Variants in MARF1 observed in about 807,000 individuals in gnomAD.
The protein encoded by MARF1 is meiosis regulator and mRNA stability factor 1, also known as limkain-b1.
Under a neutral mutation model 168.2 loss-of-function variants are expected in MARF1, and 24 were observed. That is an observed-to-expected ratio of 0.14 (90% confidence interval 0.10 to 0.20). MARF1 has a LOEUF of 0.20. Among genes scored for constraint, MARF1 ranks in the 10% least tolerant of loss-of-function variants. MARF1 has a pLI of 1.00. For missense variants in MARF1, 1,744 were observed against 2,143.6 expected (o/e 0.81, Z 3.68); for synonymous variants, 868 against 822.4 (o/e 1.06, Z -0.95).
At chr16:15,632,702 T>C (rs920426400) in intron 5 of MARF1, among the ~76,000 whole-genome samples, 7 of 152,218 alleles carry the variant, frequency 4.6e-5, no homozygotes, top group Admixed American at 1.3e-4. Context: ...TACACAATAA[T>C]AACTTGCTGG....
At chr16:15,625,350 A>G in intron 8 of MARF1, 22 bp downstream of exon 8, 1 of 1,583,232 alleles carries the variant, frequency 6.3e-7, no homozygotes, top group Non-Finnish European at 8.6e-7. Flanking sequence ...AAACTTCAGA[A>G]AGCAAGAGGT....
chr16:15,617,325 T>G lies in MARF1; in HGVS notation c.2931A>C (p.Arg977Ser), dbSNP rs373821774. 1 of 1,614,052 alleles carries G rather than the reference T, an allele frequency of 6.2e-7. No individual in the cohort carries two copies. The highest frequency in any genetic ancestry group is 2.2e-5 in the East Asian group (1 of 44,866). ...TGAAATCCTTATTGGAACAATGCTG[T>G]CTGCAGACAGGCTCGTGATATTCTA... ...EELEYHEPVC[R>S]QHCSNKDFSE... The change falls in exon 14 of 27, where the codon AGA (arginine) becomes AGC (serine). Residue 977 changes from arginine to serine, a missense_variant. Physicochemically the swap from Arg to Ser is moderately radical, Grantham distance 110. Transcript: ENST00000396368.
At chr16:15,616,143 TA>T in intron 15 of MARF1, 138 bp from the exon 16 acceptor site, 1 of 654,290 alleles carries the variant, frequency 1.5e-6, no homozygotes, top group Non-Finnish European at 2.3e-6. Flanking sequence ...GTTTGAAGGT[TA>T]AAATTAAGGA....
intron 13 of MARF1, among the ~76,000 whole-genome samples, chr16:15,618,345 C>T (rs1382711620): frequency 6.6e-6 from 1 of 152,160 alleles, no homozygotes; most frequent in African/African-American, 2.4e-5. Context: ...CCCGGAGAGA[C>T]ACACTCTCCC....
At chr16:15,614,481 C>CAA (rs59862823) in intron 16 of MARF1, among the ~76,000 whole-genome samples, 19 of 47,632 alleles carry the variant, frequency 4.0e-4, no homozygotes, top group African/African-American at 1.3e-3. Context: ...GACTCCGTCT[C>CAA]AAAAAAAAAA....
At position 15,625,581 on chromosome 16, in the gene MARF1, A is replaced by C. The variant is rs780062846; in HGVS notation, c.1744T>G (p.Phe582Val). ...DVFGNRIIVS[F>V]TPKNRELCET... is the part of the protein sequence containing the mutation. ...CAGAGTTCTCTATTTTTTGGAGTAA[A>C]TGACACAATGATCCTATTACCAAAG... Residue 582 changes from phenylalanine (F) to valine (V), a missense_variant, in exon 8 of 27, where the codon TTT (phenylalanine) becomes GTT (valine). This residue lies in a region of MARF1 where 270 missense variants were observed against 260.6 expected (regional missense o/e 1.04). Transcript: ENST00000396368. 1 of 1,614,136 alleles carries C rather than the reference A, an allele frequency of 6.2e-7. No homozygotes were observed.
chr16:15,627,739 G>A (rs1440264911), intron 7 of MARF1, among the ~76,000 whole-genome samples: 1 of 152,138 alleles, frequency 6.6e-6, no homozygotes, highest in African/African-American at 2.4e-5. Flanking sequence ...AACAGGCAAA[G>A]GATGTGAACA....
At chr16:15,641,076 C>A (rs903298435) in intron 1 of MARF1, among the ~76,000 whole-genome samples, 3 of 152,052 alleles carry the variant, frequency 2.0e-5, no homozygotes, top group African/African-American at 7.2e-5. Context: ...GCGTGGGCAA[C>A]AGAGTGAGAT....
In MARF1 at chr16:15,612,584, T is replaced by G. The variant is rs1276163225; in HGVS notation, c.3447A>C (p.Leu1149Phe). ...GCAATACATGAGGCACTGCTTCTAATAACTCAATCAGCTTGGAGTATCCGT... is the reference window on the plus strand; with the variant it reads ...GCAATACATGAGGCACTGCTTCTAAGAACTCAATCAGCTTGGAGTATCCGT... ...SDYGYSKLIE[L>F]LEAVPHVLQI... is the part of the protein sequence containing the mutation. The change falls in exon 17 of 27, where the codon TTA becomes TTC. Residue 1149 changes from leucine (L) to phenylalanine (F), a missense_variant. Around this residue, in one of 7 missense-constraint regions of MARF1, gnomAD observed 543 missense variants for 742.1 expected, o/e 0.73. Coordinates refer to ENST00000396368, the MANE Select transcript of MARF1 (RefSeq NM_014647.4). 6.2e-7 allele frequency: 1 copy of G among 1,614,078 alleles called. No homozygotes were observed. Among genetic ancestry groups the G allele is most frequent in the Non-Finnish European group, 8.5e-7 (1 of 1,180,018 alleles).
chr16:15,597,010 A>C (rs1016142566), intron 26 of MARF1, 73 bp from the exon 27 acceptor site: 5 of 1,467,112 alleles, frequency 3.4e-6, no homozygotes, highest in Non-Finnish European at 4.5e-6. Context: ...TTCCTTGCTC[A>C]TATTTTCTCA....
intron 13 of MARF1, among the ~76,000 whole-genome samples, chr16:15,619,308 T>A (rs1396701565): frequency 6.6e-6 from 1 of 152,220 alleles, no homozygotes; most frequent in East Asian, 1.9e-4. Flanking sequence ...AAAAAATTAG[T>A]TACCCACTCT....
In MARF1 at chr16:15,600,477, C is replaced by A. The variant is rs758548457; in HGVS notation, c.4764G>T (p.Val1588=). 6.2e-7 allele frequency: 1 copy of A among 1,614,040 alleles called. No individual in the cohort carries two copies. The highest frequency in any genetic ancestry group is 8.5e-7 in the Non-Finnish European group (1 of 1,180,040). ...GTTCCGAGGCTGTGTGCGATTCGGG[C>A]ACCTCCAGGATGCGCTCGCCCTCCG... ...QPSEGERILE[V]PESHTASELK... The change falls in exon 25 of 27, where the codon GTG becomes GTT. Residue 1588 remains valine (V), a synonymous_variant. Transcript: ENST00000396368.
chr16:15,600,890 C>G, intron 23 of MARF1, 189 bp from the exon 24 acceptor site: 3 of 713,760 alleles, frequency 4.2e-6, no homozygotes, highest in Non-Finnish European at 7.6e-6. Context: ...AAACATACCC[C>G]TATAAAAAGC....
rs1219407964 is a variant in MARF1 at position 15,604,371 on chromosome 16, T to G, written c.4210A>C (p.Ile1404Leu). 6.2e-7 allele frequency: 1 copy of G among 1,613,994 alleles called. No homozygotes were observed. The highest frequency in any genetic ancestry group is 1.7e-5 in the Admixed American group (1 of 59,996). Residue 1404 changes from isoleucine (I) to leucine (L), a missense_variant, in exon 22 of 27, where the codon ATT becomes CTT. This residue lies in a region of MARF1 where 74 missense variants were observed against 66.7 expected (regional missense o/e 1.11). Coordinates refer to ENST00000396368, the MANE Select transcript of MARF1 (RefSeq NM_014647.4). ...KVADIESGRQ[I>L]QLINRKSLRS... ...AGAGACTTTCGGTTGATCAGCTGAA[T>G]CTGTCTGCCAGATTCTATATCGGCA...
At chr16:15,599,900 G>C (rs576648898) in intron 25 of MARF1, among the ~76,000 whole-genome samples, 1 of 152,136 alleles carries the variant, frequency 6.6e-6, no homozygotes, top group Non-Finnish European at 1.5e-5. Flanking sequence ...TGAACTTGCC[G>C]GCTCGCTCTA....
rs1277228898 is a variant in MARF1 at position 15,639,136 on chromosome 16, T to C, written c.98A>G (p.Asn33Ser). ...DAKPWLWKFS[N>S]CFSRPEQTLP... ...CGTCTGCTCAGGACGAGAAAAGCAATTAGAGAATTTCCAAAGCCATGGCTT... is the reference window on the plus strand; with the variant it reads ...CGTCTGCTCAGGACGAGAAAAGCAACTAGAGAATTTCCAAAGCCATGGCTT... The change falls in exon 2 of 27, where the codon AAT becomes AGT. Residue 33 changes from asparagine (N) to serine (S), a missense_variant. By Grantham distance (46) the Asn-to-Ser change is conservative (BLOSUM62 1). Coordinates refer to ENST00000396368, the MANE Select transcript of MARF1 (RefSeq NM_014647.4). 1.2e-6 allele frequency: 2 copies of C among 1,614,062 alleles called. No homozygotes were observed. Among genetic ancestry groups the C allele is most frequent in the Non-Finnish European group, 1.7e-6 (2 of 1,180,028 alleles).
chr16:15,641,680 G>A (rs1245735836), intron 1 of MARF1, among the ~76,000 whole-genome samples: 2 of 152,152 alleles, frequency 1.3e-5, no homozygotes, highest in Non-Finnish European at 2.9e-5. Flanking sequence ...AATAGACAGG[G>A]GAGAAATTAG....
intron 10 of MARF1, among the ~76,000 whole-genome samples, chr16:15,623,423 G>A (rs928063885): frequency 6.6e-6 from 1 of 151,734 alleles, no homozygotes; most frequent in African/African-American, 2.4e-5. Flanking sequence ...GGGACTACAG[G>A]CATGCACCAC....
At position 15,594,393 on chromosome 16, in the gene MARF1, C is replaced by A. The variant is rs1483847965; in HGVS notation, c.*2300G>T. ...TCACTTGGGAAACTCAAAATAGATGCTCGCTTGTAAAGTTTATTGACAACT... is the reference window on the plus strand; with the variant it reads ...TCACTTGGGAAACTCAAAATAGATGATCGCTTGTAAAGTTTATTGACAACT... On this transcript the variant is annotated 3_prime_UTR_variant, in exon 27 of 27. Coordinates refer to ENST00000396368, the MANE Select transcript of MARF1 (RefSeq NM_014647.4). 1 of 152,584 alleles carries A rather than the reference C, an allele frequency of 6.6e-6. No homozygotes were observed. The highest frequency in any genetic ancestry group is 1.5e-5 in the Non-Finnish European group (1 of 68,028). The allele number at this position is 152,584 out of a possible 1,614,324, so 9.5% of individuals were successfully genotyped here. A position where few individuals can be genotyped will look rare whatever the true frequency, so the allele number is the denominator to read the frequency against.
Sources: gnomAD v4.1 joint callset for allele counts (sites outside exome capture counted in the v4.1 genomes callset) on GRCh38, gnomAD v4.1.1 for gene constraint, gnomAD v4.1.1 regional missense constraint, MANE v1.5 for transcripts, NCBI Gene and HGNC (gene_info 2026-07-23, HGNC 2026-07-21) for gene names.